The following DEUP1 variants were observed in gnomAD, a reference collection of about 807,000 sequenced individuals.
DEUP1 encodes deuterosome assembly protein 1.
A neutral mutation model predicts 87.4 loss-of-function variants in DEUP1; 82 were observed. That is an observed-to-expected ratio of 0.94 (90% CI 0.78 to 1.13). DEUP1 has a LOEUF of 1.13. Among genes scored for constraint, DEUP1 ranks in the 50% most tolerant of loss-of-function variants. DEUP1 has a pLI of 0.00. For synonymous variants in DEUP1, 214 were observed against 222.7 expected (o/e 0.96, Z 0.35); for missense variants, 663 against 681.5 (o/e 0.97, Z 0.30).
chr11:93,408,488 T>C (rs1947346512), intron 12 of DEUP1, 61 bp downstream of exon 12: 1 of 1,108,180 alleles, frequency 9.0e-7, no homozygotes, highest in Non-Finnish European at 1.3e-6. Flanking sequence ...AATTTATTTT[T>C]AAAGAATTCA....
chr11:93,390,348 A>G (rs551632755), intron 9 of DEUP1, among the ~76,000 whole-genome samples: 3 of 152,326 alleles, frequency 2.0e-5, no homozygotes, highest in South Asian at 4.1e-4. Context: ...GCTAATTTCT[A>G]TAGGAAACAC....
intron 7 of DEUP1, chr11:93,383,609 T>G: frequency 1.5e-6 from 1 of 672,408 alleles, no homozygotes; most frequent in African/African-American, 1.8e-5. Context: ...GGCGAATTTA[T>G]GGTATGTGGA....
chr11:93,437,388 G>C (rs1309179787), intron 13 of DEUP1, 155 bp from the exon 14 acceptor site: 1 of 584,010 alleles, frequency 1.7e-6, no homozygotes, highest in Non-Finnish European at 3.0e-6. Context: ...AGTGGTAACT[G>C]AATTACACTA....
intron 10 of DEUP1, among the ~76,000 whole-genome samples, chr11:93,394,975 T>C (rs1946893379): frequency 6.6e-6 from 1 of 152,146 alleles, no homozygotes; most frequent in Non-Finnish European, 1.5e-5. Context: ...TTTCTGTATT[T>C]CTCTTCCATT....
intron 2 of DEUP1, among the ~76,000 whole-genome samples, chr11:93,338,199 G>C (rs1038380447): frequency 6.6e-6 from 1 of 152,122 alleles, no homozygotes; most frequent in Non-Finnish European, 1.5e-5. Context: ...AGGAAAAGGA[G>C]AAATAGAGAC....
At chr11:93,412,252 C>T (rs886420401) in intron 12 of DEUP1, among the ~76,000 whole-genome samples, 2 of 152,182 alleles carry the variant, frequency 1.3e-5, no homozygotes, top group African/African-American at 4.8e-5. Context: ...CCCAGCAAAG[C>T]AACTGGGGCC....
rs368065712 is a variant in DEUP1, at chr11:93,356,960, C to A, written c.214C>A (p.Arg72=). ...DQKGQEVGLL[R]QKLDSLEKCN... ...ATTCTTCATGCAGGTAGGGTTACTT[C>A]GACAGAAATTGGACAGTCTGGAAAA... Residue 72 remains arginine (R), a synonymous_variant, in exon 4 of 14, where the codon CGA becomes AGA. Transcript: ENST00000298050. 19 of 1,594,494 alleles carry A rather than the reference C, an allele frequency of 1.2e-5. No homozygotes were observed. The highest frequency in any genetic ancestry group is 2.7e-5 in the African/African-American group (2 of 74,170).
Position 93,370,193 on chromosome 11 carries a change from T to C in DEUP1, c.546+7T>C, listed in dbSNP as rs1945646726. 1.5e-6 allele frequency: 2 copies of C among 1,296,790 alleles called. No individual in the cohort carries two copies. 80.3% of individuals were successfully genotyped at this position (1,296,790 alleles called of 1,614,324 possible). A position where few individuals can be genotyped will look rare whatever the true frequency, so the allele number is the denominator to read the frequency against. On this transcript the variant is annotated splice_region_variant and intron_variant, in intron 6 of 13. Coordinates refer to ENST00000298050, the MANE Select transcript of DEUP1 (RefSeq NM_181645.4). ...GAAGTGTAATCAGTTTCAGGTAAGT[T>C]ATCTAATACTATTCTCTAAATCAAA...
intron 3 of DEUP1, 118 bp from the exon 4 acceptor site, chr11:93,356,830 T>C (rs993277150): frequency 2.9e-6 from 2 of 689,776 alleles, no homozygotes; most frequent in African/African-American, 3.7e-5. Context: ...GCAGTACAAA[T>C]ATTTACTCTT....
intron 9 of DEUP1, among the ~76,000 whole-genome samples, chr11:93,390,007 T>C (rs1176023801): frequency 6.6e-6 from 1 of 152,208 alleles, no homozygotes; most frequent in Non-Finnish European, 1.5e-5. Context: ...AGAGTATGAT[T>C]CTCTCCTCCC....
In DEUP1 at chr11:93,356,349, CT is replaced by C. The variant is rs1350778762; in HGVS notation, c.202-597del. On this transcript the variant is annotated intron_variant, in intron 3 of 13. Coordinates refer to ENST00000298050, the MANE Select transcript of DEUP1 (RefSeq NM_181645.4). ...ACTTAGTTATTGGCATCTAGTTTTC[CT>C]TCACAGTAGAGGTAGGTCATCAAAA... Among the ~76,000 whole-genome samples the C allele has an allele frequency of 2.6e-5, 4 of 152,160 alleles. No individual in the cohort carries two copies. The East Asian group carries it at 7.7e-4, about 29-fold the overall frequency.
At chr11:93,368,373 T>G (rs1296585106) in intron 5 of DEUP1, among the ~76,000 whole-genome samples, 1 of 152,352 alleles carries the variant, frequency 6.6e-6, no homozygotes, top group Admixed American at 6.5e-5. Flanking sequence ...ATTCTCACAC[T>G]GCTATAATGA....
At chr11:93,395,736 A>C (rs1946922992) in intron 10 of DEUP1, among the ~76,000 whole-genome samples, 1 of 152,210 alleles carries the variant, frequency 6.6e-6, no homozygotes, top group Non-Finnish European at 1.5e-5. Flanking sequence ...AGTCCTGTCA[A>C]GTAGAATAAA....
intron 13 of DEUP1, among the ~76,000 whole-genome samples, chr11:93,419,183 AAT>A (rs879491258): frequency 0.04 from 5,029 of 125,614 alleles, 117 homozygotes; most frequent in African/African-American, 0.067. Flanking sequence ...AAAGTATAAT[AAT>A]AAAAAAAAAA....
Position 93,417,876 on chromosome 11 carries a change from G to A in DEUP1, c.1638+2762G>A, listed in dbSNP as rs1407888334. Among the ~76,000 whole-genome samples the A allele has an allele frequency of 6.6e-5, 10 of 152,000 alleles. No individual in the cohort carries two copies. In the East Asian group the frequency reaches 1.2e-3, roughly 18 times the overall value. On this transcript the variant is annotated intron_variant, in intron 13 of 13. Coordinates refer to ENST00000298050, the MANE Select transcript of DEUP1 (RefSeq NM_181645.4). ...TAACAGAGCCCTCAGAAATAATACC[G>A]CATATCTACAACTATCTGATCTTTG... is the stretch of plus-strand genomic sequence containing the variant.
intron 9 of DEUP1, among the ~76,000 whole-genome samples, chr11:93,394,085 G>A (rs1946860745): frequency 6.6e-6 from 1 of 152,144 alleles, no homozygotes; most frequent in Admixed American, 6.5e-5. Context: ...TCCTAGCTTT[G>A]CCGATTATTA....
chr11:93,366,395 G>T (rs1402309142), intron 5 of DEUP1, among the ~76,000 whole-genome samples: 1 of 152,132 alleles, frequency 6.6e-6, no homozygotes, highest in African/African-American at 2.4e-5. Flanking sequence ...GCTATCAAGA[G>T]AAACTAATTT....
chr11:93,352,373 G>A (rs1047583283), intron 2 of DEUP1: 3 of 702,372 alleles, frequency 4.3e-6, no homozygotes. Context: ...CAGCTCCCTG[G>A]AGAATGCTTC....
intron 2 of DEUP1, among the ~76,000 whole-genome samples, chr11:93,348,806 T>G (rs997980795): frequency 1.3e-5 from 2 of 152,202 alleles, no homozygotes; most frequent in African/African-American, 2.4e-5. Context: ...TTATTATTAG[T>G]GCTCCTTTCA....
Sources: gnomAD v4.1 joint callset for allele counts (sites outside exome capture counted in the v4.1 genomes callset) on GRCh38, gnomAD v4.1.1 for gene constraint, MANE v1.5 for transcripts, NCBI Gene and HGNC (gene_info 2026-07-23, HGNC 2026-07-21) for gene names.